Variants in PYROXD2 observed in about 807,000 individuals in gnomAD.
PYROXD2 encodes the protein pyridine nucleotide-disulphide oxidoreductase domain 2.
PYROXD2 carries 69 observed loss-of-function variants against 71.1 expected under a neutral mutation model. That is an observed-to-expected ratio of 0.97 (90% CI 0.80 to 1.19). PYROXD2 has a LOEUF of 1.19. Among genes scored for constraint, PYROXD2 ranks in the 50% most tolerant of loss-of-function variants. The pLI is 0.00. For synonymous variants in PYROXD2, 287 were observed against 302.7 expected (o/e 0.95, Z 0.54); for missense variants, 745 against 748.9 (o/e 0.99, Z 0.06).
chr10:98,402,842 C>CA (rs1214212326), intron 4 of PYROXD2, among the ~76,000 whole-genome samples: 1 of 152,210 alleles, frequency 6.6e-6, no homozygotes, highest in Non-Finnish European at 1.5e-5. Flanking sequence ...CCTGTGAAGT[C>CA]AGGGGCATTG....
intron 13 of PYROXD2, 150 bp downstream of exon 13, chr10:98,388,204 T>C (rs1449052784): frequency 1.4e-6 from 1 of 730,238 alleles, no homozygotes; most frequent in East Asian, 2.7e-5. Flanking sequence ...TGCAGTCAAC[T>C]ATGTTGACTT....
intron 10 of PYROXD2, 47 bp from the exon 11 acceptor site, chr10:98,391,129 A>C (rs745347772): frequency 1.1e-5 from 13 of 1,193,612 alleles, no homozygotes; most frequent in Non-Finnish European, 1.6e-5. Flanking sequence ...CCAAGGCCCC[A>C]AGGAAGCTGC....
chr10:98,406,458 A>G (rs1250786761), intron 4 of PYROXD2, among the ~76,000 whole-genome samples: 1 of 152,158 alleles, frequency 6.6e-6, no homozygotes, highest in Non-Finnish European at 1.5e-5. Context: ...GCTAGATTTC[A>G]TCCAGTCCTG....
intron 9 of PYROXD2, 122 bp from the exon 10 acceptor site, chr10:98,392,688 C>T (rs1842987884): frequency 1.4e-6 from 2 of 1,476,932 alleles, no homozygotes; most frequent in South Asian, 2.7e-5. Flanking sequence ...CCAAACCCAT[C>T]CCACCAAGTT....
At chr10:98,389,789 T>C (rs1332796424) in intron 12 of PYROXD2, among the ~76,000 whole-genome samples, 1 of 152,220 alleles carries the variant, frequency 6.6e-6, no homozygotes, top group Non-Finnish European at 1.5e-5. Flanking sequence ...ACTTGTTGAT[T>C]GTCTTCCTCT....
At chr10:98,392,713 T>A (rs1311630376) in intron 9 of PYROXD2, 147 bp from the exon 10 acceptor site, 6 of 1,375,984 alleles carry the variant, frequency 4.4e-6, no homozygotes, top group Non-Finnish European at 1.9e-6. Flanking sequence ...AGCTTCTCCA[T>A]GAAGCCTCAG....
At chr10:98,387,925 C>T (rs144040287) in intron 13 of PYROXD2, 6 of 229,810 alleles carry the variant, frequency 2.6e-5, no homozygotes, top group Admixed American at 5.2e-5. Context: ...TGAGCCCCCA[C>T]GCCTGGCCTG....
chr10:98,414,815 C>T, intron 1 of PYROXD2, 194 bp downstream of exon 1: 1 of 750,136 alleles, frequency 1.3e-6, no homozygotes, highest in South Asian at 2.4e-5. Context: ...AGAGCCAGCA[C>T]CGGAATCCCA....
At chr10:98,404,856 G>A (rs547532603) in intron 4 of PYROXD2, among the ~76,000 whole-genome samples, 1 of 152,102 alleles carries the variant, frequency 6.6e-6, no homozygotes, top group Non-Finnish European at 1.5e-5. Context: ...GAACCCCTGG[G>A]GTTTCCCCAG....
Position 98,400,259 on chromosome 10 carries a change from T to C in PYROXD2, c.316-2A>G. ...AAGATGAAGCCTCAGCCCATGTTTC[T>C]GCAAAACACAAATAGCATGGGCCAC... On this transcript the variant is annotated splice_acceptor_variant, in intron 4 of 15. Coordinates refer to ENST00000370575, the MANE Select transcript of PYROXD2 (RefSeq NM_032709.3). LOFTEE classifies it high-confidence loss of function. 1.1e-5 allele frequency: 18 copies of C among 1,607,074 alleles called. No homozygotes were observed. The highest frequency in any genetic ancestry group is 1.5e-5 in the Non-Finnish European group (18 of 1,175,498).
chr10:98,406,124 A>G (rs1160297608), intron 4 of PYROXD2, among the ~76,000 whole-genome samples: 1 of 152,172 alleles, frequency 6.6e-6, no homozygotes, highest in African/African-American at 2.4e-5. Context: ...ACACAACAGG[A>G]CTGCTTTCTC....
chr10:98,394,523 T>C (rs951789113), intron 8 of PYROXD2, among the ~76,000 whole-genome samples: 7 of 148,658 alleles, frequency 4.7e-5, no homozygotes, highest in African/African-American at 1.8e-4. Flanking sequence ...GGCCCAACCC[T>C]TGGCTGCATT....
intron 4 of PYROXD2, 129 bp downstream of exon 4, chr10:98,407,453 A>G (rs1043513664): frequency 2.6e-5 from 29 of 1,110,510 alleles, no homozygotes; most frequent in Non-Finnish European, 3.7e-5. Flanking sequence ...GATACACAAG[A>G]CTTGGGTGGA....
intron 1 of PYROXD2, 83 bp downstream of exon 1, chr10:98,414,926 T>TC: frequency 6.5e-7 from 1 of 1,537,850 alleles, no homozygotes. Flanking sequence ...GGGGCTTGGC[T>TC]CCCCCTCCCC....
At chr10:98,400,360 T>A in intron 4 of PYROXD2, 103 bp from the exon 5 acceptor site, 1 of 1,159,214 alleles carries the variant, frequency 8.6e-7, no homozygotes, top group Non-Finnish European at 1.2e-6. Context: ...TACCTGTGTG[T>A]AGGTTCCCAA....
intron 4 of PYROXD2, among the ~76,000 whole-genome samples, chr10:98,405,296 G>A (rs1348627182): frequency 2.0e-5 from 3 of 152,150 alleles, no homozygotes; most frequent in East Asian, 1.9e-4. Context: ...GGACCACAGC[G>A]GGTCAGTGGA....
Position 98,410,965 on chromosome 10 carries a change from C to T in PYROXD2, c.128-7G>A, listed in dbSNP as rs1446165722. The T allele has an allele frequency of 5.1e-6, 8 of 1,561,946 alleles. No individual in the cohort carries two copies. Among genetic ancestry groups the T allele is most frequent in the Non-Finnish European group, 6.9e-6 (8 of 1,152,248 alleles). ...GCCACCAGTCCGTTGTGTCCTGCAA[C>T]AAAACGGGACAGGGAAGGAAAACAT... On this transcript the variant is annotated splice_polypyrimidine_tract_variant and splice_region_variant and intron_variant, in intron 1 of 15. Transcript: ENST00000370575.
chr10:98,402,800 G>A (rs1843460464), intron 4 of PYROXD2, among the ~76,000 whole-genome samples: 1 of 152,134 alleles, frequency 6.6e-6, no homozygotes, highest in Admixed American at 6.5e-5. Flanking sequence ...CATATTTAGT[G>A]TTTTCATTGT....
At position 98,415,119 on chromosome 10, in the gene PYROXD2, C is replaced by A; in HGVS notation, c.17G>T (p.Arg6Leu). ...GGCGGCCACAGCCTTGCAGAGACCTCGGCCACTTGCAGCCATTTCTGCCCC... is the reference window on the plus strand; with the variant it reads ...GGCGGCCACAGCCTTGCAGAGACCTAGGCCACTTGCAGCCATTTCTGCCCC... MAASG[R>L]GLCKAVAASP... Residue 6 changes from arginine (R) to leucine (L), a missense_variant, in exon 1 of 16, where the codon CGA becomes CTA. Arg to Leu is a moderately radical substitution (Grantham distance 102, BLOSUM62 -2). Transcript: ENST00000370575. 6.2e-7 allele frequency: 1 copy of A among 1,613,288 alleles called. No homozygotes were observed. The highest frequency in any genetic ancestry group is 8.5e-7 in the Non-Finnish European group (1 of 1,179,692).
Sources: gnomAD v4.1 joint callset for allele counts (sites outside exome capture counted in the v4.1 genomes callset) on GRCh38, gnomAD v4.1.1 for gene constraint, MANE v1.5 for transcripts, NCBI Gene and HGNC (gene_info 2026-07-23, HGNC 2026-07-21) for gene names.